DPP10: variants seen among roughly 807,000 people sequenced by gnomAD.
DPP10 encodes the protein dipeptidyl peptidase like 10.
DPP10 carries 33 observed loss-of-function variants against 120.9 expected under a neutral mutation model. The ratio of observed to expected loss-of-function variants is 0.27; its 90% CI spans 0.21 to 0.37. The LOEUF (loss-of-function observed/expected upper bound fraction) is 0.37. Ranked by LOEUF, DPP10 falls within the 10% of genes least tolerant of loss-of-function variation. The pLI is 1.00. For synonymous variants in DPP10, 337 were observed against 326.1 expected, an observed-to-expected ratio of 1.03 and a Z score of -0.36; for missense variants, 816 against 942.8, an observed-to-expected ratio of 0.87 and a Z score of 1.76.
At chr2:115,010,196 A>T (rs933247340) in intron 1 of DPP10, among the ~76,000 whole-genome samples, 2 of 152,226 alleles carry the variant, frequency 1.3e-5, no homozygotes, top group Admixed American at 1.3e-4. Context: ...ATGTGTACAC[A>T]TTTATGTAAC....
At chr2:114,959,789 T>C (rs915127973) in intron 1 of DPP10, among the ~76,000 whole-genome samples, 1 of 152,246 alleles carries the variant, frequency 6.6e-6, no homozygotes, top group Admixed American at 6.5e-5. Flanking sequence ...AATGCTATTA[T>C]GGTTTTGGTT....
intron 1 of DPP10, among the ~76,000 whole-genome samples, chr2:115,287,908 C>A (rs916357837): frequency 6.6e-6 from 1 of 152,064 alleles, no homozygotes; most frequent in African/African-American, 2.4e-5. Flanking sequence ...TTTTATTTAT[C>A]CACTTATCTA....
Position 114,485,333 on chromosome 2 carries a change from G to C in DPP10, c.60+42495G>C, listed in dbSNP as rs377299504. ...GTGGGTTTTGTAAGGTGGGGACAAA[G>C]AAATGAAGCAACAGTAAAAAGCTGA... On this transcript the variant is annotated intron_variant, in intron 1 of 25. Coordinates refer to ENST00000410059, the MANE Select transcript of DPP10 (RefSeq NM_020868.6). Among the ~76,000 whole-genome samples the C allele has an allele frequency of 9.9e-5, 15 of 152,174 alleles. No homozygotes were observed. The East Asian group carries it at 2.9e-3, about 29-fold the overall frequency.
intron 5 of DPP10, among the ~76,000 whole-genome samples, chr2:115,670,808 A>G (rs1388421063): frequency 6.6e-6 from 1 of 152,152 alleles, no homozygotes. Context: ...TCTGATCCCA[A>G]TGATAGGCCA....
chr2:114,880,952 G>A (rs148418851), intron 1 of DPP10, among the ~76,000 whole-genome samples: 5 of 152,210 alleles, frequency 3.3e-5, no homozygotes, highest in African/African-American at 1.2e-4. Flanking sequence ...GCAAGGACAC[G>A]AACTAGCAGC....
chr2:115,662,787 GC>G (rs1337358218), intron 5 of DPP10, among the ~76,000 whole-genome samples: 1 of 152,034 alleles, frequency 6.6e-6, no homozygotes, highest in Non-Finnish European at 1.5e-5. Context: ...TTCTGGTATG[GC>G]CTTCCTCAAA....
At chr2:115,506,199 C>T (rs1405479072) in intron 4 of DPP10, among the ~76,000 whole-genome samples, 5 of 152,052 alleles carry the variant, frequency 3.3e-5, no homozygotes, top group African/African-American at 9.7e-5. Flanking sequence ...AGCCCTTCCA[C>T]ACTTCACATT....
intron 1 of DPP10, among the ~76,000 whole-genome samples, chr2:114,512,984 T>G (rs1684271885): frequency 6.6e-6 from 1 of 152,052 alleles, no homozygotes; most frequent in Non-Finnish European, 1.5e-5. Context: ...TTTTACTGCT[T>G]GGAATACCTT....
chr2:115,495,204 A>G (rs1004630911), intron 3 of DPP10, among the ~76,000 whole-genome samples: 8 of 152,036 alleles, frequency 5.3e-5, no homozygotes, highest in Admixed American at 5.2e-4. Flanking sequence ...TGAACTTTCA[A>G]TGTGAGGATC....
chr2:115,630,987 C>T (rs2085810132), intron 5 of DPP10, among the ~76,000 whole-genome samples: 2 of 150,164 alleles, frequency 1.3e-5, no homozygotes, highest in African/African-American at 2.5e-5. Flanking sequence ...GGCACCAGCT[C>T]CTCTTTGTAC....
chr2:115,299,162 A>C (rs2061015329), intron 1 of DPP10, among the ~76,000 whole-genome samples: 1 of 152,004 alleles, frequency 6.6e-6, no homozygotes, highest in African/African-American at 2.4e-5. Context: ...CCCTCTTTTT[A>C]AAAATATCTT....
At chr2:114,516,090 G>C (rs1003353185) in intron 1 of DPP10, among the ~76,000 whole-genome samples, 1 of 152,150 alleles carries the variant, frequency 6.6e-6, no homozygotes, top group Non-Finnish European at 1.5e-5. Context: ...GGATCTGAGG[G>C]AGCCCAAGAA....
At chr2:115,732,938 A>G (rs28588307) in intron 8 of DPP10, among the ~76,000 whole-genome samples, 8,202 of 152,248 alleles carry the variant, frequency 0.054, 731 homozygotes, top group African/African-American at 0.19. Context: ...GTGATAAACA[A>G]TAAACAACTA....
chr2:114,495,958 T>A (rs1454500039), intron 1 of DPP10, among the ~76,000 whole-genome samples: 1 of 152,228 alleles, frequency 6.6e-6, no homozygotes, highest in African/African-American at 2.4e-5. Flanking sequence ...CAATTTCTTC[T>A]TCCTTTATAT....
At chr2:115,359,389 C>A (rs566630872) in intron 3 of DPP10, among the ~76,000 whole-genome samples, 3 of 152,000 alleles carry the variant, frequency 2.0e-5, no homozygotes, top group Non-Finnish European at 4.4e-5. Flanking sequence ...GCTTATGAAG[C>A]TTAGTTTGAC....
chr2:114,624,132 T>C (rs1694310502), intron 1 of DPP10, among the ~76,000 whole-genome samples: 1 of 151,908 alleles, frequency 6.6e-6, no homozygotes, highest in African/African-American at 2.4e-5. Flanking sequence ...ATTGAAGAGG[T>C]AATGGTTAGT....
At chr2:114,796,924 G>T (rs1683767776) in intron 1 of DPP10, among the ~76,000 whole-genome samples, 1 of 152,126 alleles carries the variant, frequency 6.6e-6, no homozygotes, top group South Asian at 2.1e-4. Context: ...CCCTTCTCTT[G>T]GCTGAAAATT....
At chr2:114,786,239 A>G (rs537905847) in intron 1 of DPP10, among the ~76,000 whole-genome samples, 1 of 152,364 alleles carries the variant, frequency 6.6e-6, no homozygotes, top group African/African-American at 2.4e-5. Flanking sequence ...TTCTAGAAAC[A>G]TTAGTGTTTT....
chr2:115,837,850 A>AAAAGTCT (rs1689693767), intron 24 of DPP10, among the ~76,000 whole-genome samples: 1 of 152,138 alleles, frequency 6.6e-6, no homozygotes, highest in South Asian at 2.1e-4. Flanking sequence ...TCAAAAAAAA[A>AAAAGTCT]AAAAGTCTAA....
Sources: allele counts gnomAD v4.1 joint callset (sites outside exome capture counted in the v4.1 genomes callset), GRCh38; gene constraint gnomAD v4.1.1; transcripts MANE v1.5; gene names NCBI Gene and HGNC (gene_info 2026-07-23, HGNC 2026-07-21).